LRRC37A2: variants seen among roughly 807,000 people sequenced by gnomAD.
The protein encoded by LRRC37A2 is leucine-rich repeat-containing protein 37A2.
LRRC37A2 carries 9 observed loss-of-function variants against 68.8 expected under a neutral mutation model. The ratio of observed to expected loss-of-function variants is 0.13; its 90% CI spans 0.08 to 0.23. LRRC37A2 has a LOEUF of 0.23. LRRC37A2 is among the 10% of genes least tolerant of loss of function. The pLI is 1.00. For missense variants in LRRC37A2, 168 were observed against 950.4 expected (o/e 0.18, Z 10.82); for synonymous variants, 63 against 367.6 (o/e 0.17, Z 9.48).
chr17:46,867,873 C>A, the LRRC37A2 span, among the ~76,000 whole-genome samples: 620 of 152,092 alleles, frequency 4.1e-3, 6 homozygotes, highest in African/African-American at 0.014. Context: ...GGGGTCCAAG[C>A]CAGAGGTCAT....
At chr17:46,922,746 A>C in the LRRC37A2 span, 2 of 166,642 alleles carry the variant, frequency 1.2e-5, no homozygotes, top group Non-Finnish European at 2.6e-5. Context: ...GCGCCAGGAA[A>C]AACAGTGAAG....
the LRRC37A2 span, among the ~76,000 whole-genome samples, chr17:46,925,303 C>T: frequency 6.6e-6 from 1 of 152,166 alleles, no homozygotes; most frequent in Admixed American, 6.5e-5. Context: ...CCAGCTTTGC[C>T]CCACAACTAT....
chr17:46,891,918 C>CTTTTTTTTTTTTTTTTTTTTTT, the LRRC37A2 span, among the ~76,000 whole-genome samples: 2 of 71,814 alleles, frequency 2.8e-5, no homozygotes, highest in African/African-American at 1.1e-4. Flanking sequence ...CTTTTCTTTT[C>CTTTTTTTTTTTTTTTTTTTTTT]TTTTTTTTTT....
chr17:46,796,362 G>A, the LRRC37A2 span, among the ~76,000 whole-genome samples: 1 of 152,122 alleles, frequency 6.6e-6, no homozygotes, highest in African/African-American at 2.4e-5. Flanking sequence ...TGTGCTTGCC[G>A]CATATTAACC....
the LRRC37A2 span, among the ~76,000 whole-genome samples, chr17:46,788,734 G>A: frequency 1.3e-5 from 2 of 152,024 alleles, no homozygotes; most frequent in Non-Finnish European, 2.9e-5. Flanking sequence ...AGGTGCAGTG[G>A]CCCTGCGAGG....
the LRRC37A2 span, among the ~76,000 whole-genome samples, chr17:46,912,074 G>A: frequency 6.6e-6 from 1 of 151,964 alleles, no homozygotes; most frequent in South Asian, 2.1e-4. Flanking sequence ...TTGACCAGAA[G>A]ACCACCATCC....
chr17:46,923,340 A>G, the LRRC37A2 span: 2 of 1,528,246 alleles, frequency 1.3e-6, no homozygotes, highest in South Asian at 1.2e-5. Context: ...CCGCCAGGGC[A>G]CTGCTGGGGA....
At chr17:46,907,867 G>T in the LRRC37A2 span, among the ~76,000 whole-genome samples, 11 of 151,210 alleles carry the variant, frequency 7.3e-5, no homozygotes, top group African/African-American at 1.2e-4. Flanking sequence ...AAAAAAAAAA[G>T]TGTGTGCGCT....
At chr17:46,767,322 C>T in the LRRC37A2 span, among the ~76,000 whole-genome samples, 134 of 152,300 alleles carry the variant, frequency 8.8e-4, no homozygotes, top group Non-Finnish European at 1.7e-3. Flanking sequence ...TCCATAAACT[C>T]GGTGAGAGTG....
chr17:47,028,404 T>C, the LRRC37A2 span: 1 of 1,188,670 alleles, frequency 8.4e-7, no homozygotes, highest in Non-Finnish European at 1.2e-6. Flanking sequence ...ACTATTTATC[T>C]ACAAAAACTC....
the LRRC37A2 span, among the ~76,000 whole-genome samples, chr17:46,918,471 C>T: frequency 3.3e-5 from 5 of 152,114 alleles, no homozygotes; most frequent in Non-Finnish European, 5.9e-5. Flanking sequence ...GTCCTGTCAA[C>T]GTGATAGATA....
At chr17:46,841,862 C>T in the LRRC37A2 span, among the ~76,000 whole-genome samples, 1 of 152,266 alleles carries the variant, frequency 6.6e-6, no homozygotes, top group Non-Finnish European at 1.5e-5. Flanking sequence ...GGTAGGCCGA[C>T]CCCGCAGGGC....
At chr17:46,825,121 G>T in the LRRC37A2 span, among the ~76,000 whole-genome samples, 4 of 152,204 alleles carry the variant, frequency 2.6e-5, no homozygotes, top group Non-Finnish European at 4.4e-5. Flanking sequence ...TGGCTGGCCT[G>T]CCCAAGGCTT....
chr17:47,019,510 C>T, the LRRC37A2 span: 12 of 1,542,072 alleles, frequency 7.8e-6, no homozygotes, highest in Non-Finnish European at 9.0e-6. Context: ...GAGAAGACTA[C>T]AGCTCCTCAT....
At chr17:46,917,306 A>T in the LRRC37A2 span, 4 of 152,326 alleles carry the variant, frequency 2.6e-5, no homozygotes, top group African/African-American at 9.6e-5. Flanking sequence ...CTTTTTCCAA[A>T]CTACAATGGT....
At chr17:47,020,518 G>A in the LRRC37A2 span, among the ~76,000 whole-genome samples, 2 of 151,094 alleles carry the variant, frequency 1.3e-5, no homozygotes, top group Admixed American at 1.3e-4. Context: ...GGTGGCTCAC[G>A]CCTGTAATCC....
At chr17:47,044,045 CAAA>C in the LRRC37A2 span, among the ~76,000 whole-genome samples, 50 of 49,928 alleles carry the variant, frequency 1.0e-3, no homozygotes, top group African/African-American at 3.9e-3. Context: ...GACTCCATCT[CAAA>C]AAAAAAAAAA....
the LRRC37A2 span, among the ~76,000 whole-genome samples, chr17:47,040,375 C>CTT: frequency 6.6e-6 from 1 of 151,796 alleles, no homozygotes; most frequent in African/African-American, 2.4e-5. Context: ...TTGGGCCATA[C>CTT]TTTGTTTCCT....
the LRRC37A2 span, among the ~76,000 whole-genome samples, chr17:46,823,402 G>C: frequency 6.6e-6 from 1 of 150,766 alleles, no homozygotes; most frequent in Non-Finnish European, 1.5e-5. Flanking sequence ...TTTTAGTAGA[G>C]ACAGGGTTTC....
Sources: gnomAD v4.1 joint callset for allele counts (sites outside exome capture counted in the v4.1 genomes callset) on GRCh38, gnomAD v4.1.1 for gene constraint, MANE v1.5 for transcripts, NCBI Gene and HGNC (gene_info 2026-07-23, HGNC 2026-07-21) for gene names.